PHTF2: variants seen among roughly 807,000 people sequenced by gnomAD.
PHTF2 encodes putative homeodomain transcription factor 2.
A neutral mutation model predicts 101.2 loss-of-function variants in PHTF2; 60 were observed. The observed-to-expected ratio is 0.59, with a 90% CI of 0.48 to 0.73. PHTF2 has a LOEUF of 0.73. Ranked by LOEUF, PHTF2 falls within the 30% of genes least tolerant of loss-of-function variation. The probability of loss-of-function intolerance (pLI) is 0.00; values close to 1 mark genes in which losing one functional copy is unlikely to be tolerated. For synonymous variants in PHTF2, 311 were observed against 307.3 expected, an observed-to-expected ratio of 1.01 and a Z score of -0.13; for missense variants, 747 against 908.7, an observed-to-expected ratio of 0.82 and a Z score of 2.29.
chr7:77,900,811 G>A (rs1197451375), intron 6 of PHTF2, 31 bp downstream of exon 5: 3 of 1,049,086 alleles, frequency 2.9e-6, no homozygotes, highest in Non-Finnish European at 4.5e-6. Context: ...CTTAATACAA[G>A]TAGACATTGT....
At chr7:77,833,707 G>A (rs953889570) in intron 1 of PHTF2, among the ~76,000 whole-genome samples, 1 of 152,144 alleles carries the variant, frequency 6.6e-6, no homozygotes, top group African/African-American at 2.4e-5. Context: ...TTGTTGCTGA[G>A]TCTAGCTACT....
chr7:77,854,682 A>G (rs912981203), intron 2 of PHTF2: 10 of 699,292 alleles, frequency 1.4e-5, no homozygotes, highest in Non-Finnish European at 2.4e-5. Context: ...GTTGGCACCC[A>G]AGCCACAAGA....
intron 12 of PHTF2, among the ~76,000 whole-genome samples, chr7:77,931,994 G>A (rs1804612451): frequency 6.6e-6 from 1 of 152,150 alleles, no homozygotes; most frequent in Non-Finnish European, 1.5e-5. Context: ...CAGCTACTCT[G>A]GAAGCTGAGG....
chr7:77,816,537 A>G (rs905818897), intron 1 of PHTF2, among the ~76,000 whole-genome samples: 1 of 152,248 alleles, frequency 6.6e-6, no homozygotes, highest in Non-Finnish European at 1.5e-5. Flanking sequence ...CAGTACATGT[A>G]ATGTATAGTG....
chr7:77,927,177 A>AAAAAAAAATATATATATAT (rs1554388762), intron 11 of PHTF2, among the ~76,000 whole-genome samples: 12 of 78,102 alleles, frequency 1.5e-4, no homozygotes, highest in Non-Finnish European at 2.7e-4. Flanking sequence ...AAAAAAAAAA[A>AAAAAAAAATATATATATAT]ATATATATAT....
intron 10 of PHTF2, among the ~76,000 whole-genome samples, chr7:77,921,626 G>A (rs1803470452): frequency 6.6e-6 from 1 of 152,048 alleles, no homozygotes; most frequent in Non-Finnish European, 1.5e-5. Flanking sequence ...ATTTTTTTCA[G>A]CATTTAGCTC....
At chr7:77,924,833 G>T (rs983167394) in intron 11 of PHTF2, among the ~76,000 whole-genome samples, 3 of 152,144 alleles carry the variant, frequency 2.0e-5, no homozygotes, top group African/African-American at 7.2e-5. Flanking sequence ...AGGGAACTGG[G>T]GATGAGATGG....
intron 1 of PHTF2, among the ~76,000 whole-genome samples, chr7:77,832,689 A>G (rs1168843243): frequency 6.6e-6 from 1 of 151,840 alleles, no homozygotes; most frequent in Non-Finnish European, 1.5e-5. Context: ...CATAAACAAT[A>G]CACTTTGGGT....
chr7:77,870,521 C>T (rs1383470158), intron 3 of PHTF2, among the ~76,000 whole-genome samples: 6 of 152,098 alleles, frequency 3.9e-5, no homozygotes. Context: ...CATTTTTCTG[C>T]CTGCTTGTAT....
intron 3 of PHTF2, among the ~76,000 whole-genome samples, chr7:77,893,117 G>A (rs1179791636): frequency 6.6e-6 from 1 of 152,078 alleles, no homozygotes; most frequent in Non-Finnish European, 1.5e-5. Flanking sequence ...TTTATTTTAG[G>A]TTCAGGGATA....
intron 12 of PHTF2, among the ~76,000 whole-genome samples, chr7:77,936,628 C>G (rs58724622): frequency 4.0e-5 from 6 of 151,418 alleles, no homozygotes; most frequent in Admixed American, 6.6e-5. Context: ...GAGCTGAGAT[C>G]GCACCATTGC....
chr7:77,852,434 A>G (rs1796838968), intron 2 of PHTF2, among the ~76,000 whole-genome samples: 1 of 152,226 alleles, frequency 6.6e-6, no homozygotes, highest in Non-Finnish European at 1.5e-5. Flanking sequence ...CTCATAACCC[A>G]TTGTTTTAAA....
chr7:77,850,768 C>G (rs1314905126), intron 2 of PHTF2, among the ~76,000 whole-genome samples: 1 of 151,992 alleles, frequency 6.6e-6, no homozygotes, highest in African/African-American at 2.4e-5. Flanking sequence ...TTCAGCTTTT[C>G]CCTAATCAGT....
chr7:77,858,162 TATCCTAGC>T (rs2150659345), intron 3 of PHTF2, among the ~76,000 whole-genome samples: 1 of 152,304 alleles, frequency 6.6e-6, no homozygotes, highest in Non-Finnish European at 1.5e-5. Flanking sequence ...AAATAAGACT[TATCCTAGC>T]AGAAATAGAT....
chr7:77,954,637 T>TAGATAG (rs1554397989), intron 19 of PHTF2, among the ~76,000 whole-genome samples: 4 of 144,602 alleles, frequency 2.8e-5, no homozygotes, highest in South Asian at 4.3e-4. Flanking sequence ...TATATATATA[T>TAGATAG]ATATATATAG....
intron 3 of PHTF2, among the ~76,000 whole-genome samples, chr7:77,861,434 A>C (rs1797635200): frequency 6.6e-6 from 1 of 151,968 alleles, no homozygotes; most frequent in Non-Finnish European, 1.5e-5. Context: ...AAATGATCAA[A>C]TTTTCTTTTA....
At chr7:77,806,882 TTA>T (rs1402636534) in intron 1 of PHTF2, among the ~76,000 whole-genome samples, 1 of 152,160 alleles carries the variant, frequency 6.6e-6, no homozygotes, top group Non-Finnish European at 1.5e-5. Context: ...TTCATATATT[TTA>T]TGAGAACCTT....
intron 1 of PHTF2, among the ~76,000 whole-genome samples, chr7:77,822,847 G>A (rs1794399385): frequency 1.3e-5 from 2 of 151,864 alleles, no homozygotes; most frequent in Non-Finnish European, 2.9e-5. Context: ...TGAGTGCTGG[G>A]TGTCTCTAGT....
At chr7:77,949,168 C>T (rs555811156) in intron 16 of PHTF2, among the ~76,000 whole-genome samples, 1 of 151,910 alleles carries the variant, frequency 6.6e-6, no homozygotes, top group East Asian at 1.9e-4. Context: ...ACCTTGAAAA[C>T]AACATTCAGT....
Sources: gnomAD v4.1 joint callset for allele counts (sites outside exome capture counted in the v4.1 genomes callset) on GRCh38, gnomAD v4.1.1 for gene constraint, MANE v1.5 for transcripts, NCBI Gene and HGNC (gene_info 2026-07-23, HGNC 2026-07-21) for gene names.